The following UBE2H variants were observed in gnomAD, a reference collection of about 807,000 sequenced individuals.
The protein encoded by UBE2H is ubiquitin conjugating enzyme E2 H.
UBE2H carries 3 observed loss-of-function variants against 29.0 expected under a neutral mutation model. That is an observed-to-expected ratio of 0.10 (90% CI 0.05 to 0.27). UBE2H has a LOEUF of 0.27. UBE2H is among the 10% of genes least tolerant of loss of function. The probability of loss-of-function intolerance (pLI) is 1.00; values close to 1 mark genes in which losing one functional copy is unlikely to be tolerated. For missense variants in UBE2H, 68 were observed against 228.2 expected, an observed-to-expected ratio of 0.30 and a Z score of 4.52; for synonymous variants, 69 against 82.9, an observed-to-expected ratio of 0.83 and a Z score of 0.91.
intron 3 of UBE2H, among the ~76,000 whole-genome samples, chr7:129,877,652 A>C (rs1806173280): frequency 6.6e-6 from 1 of 152,220 alleles, no homozygotes. Flanking sequence ...AATTATGAAG[A>C]AGTTAAATTA....
chr7:129,929,637 C>T (rs916860588), intron 1 of UBE2H, among the ~76,000 whole-genome samples: 1 of 152,226 alleles, frequency 6.6e-6, no homozygotes, highest in Non-Finnish European at 1.5e-5. Flanking sequence ...CATCTTCACA[C>T]GCCACCAATA....
intron 6 of UBE2H, among the ~76,000 whole-genome samples, chr7:129,838,692 T>G (rs1431593062): frequency 6.6e-6 from 1 of 152,066 alleles, no homozygotes; most frequent in Non-Finnish European, 1.5e-5. Flanking sequence ...CAGGCTGGAG[T>G]ACAATGGCAC....
At chr7:129,948,851 C>T in intron 1 of UBE2H, 3 of 291,866 alleles carry the variant, frequency 1.0e-5, no homozygotes, top group Non-Finnish European at 2.1e-5. Flanking sequence ...TCAGGTTTTC[C>T]TCTTCTCTTT....
chr7:129,859,933 G>A (rs748412653), intron 3 of UBE2H, among the ~76,000 whole-genome samples: 6 of 151,880 alleles, frequency 4.0e-5, no homozygotes, highest in Admixed American at 2.0e-4. Context: ...CACCTACACC[G>A]CAGGCATTGT....
chr7:129,875,142 A>G (rs552394050), intron 3 of UBE2H, among the ~76,000 whole-genome samples: 16 of 152,270 alleles, frequency 1.1e-4, no homozygotes, highest in Non-Finnish European at 2.1e-4. Context: ...ATTTACTTTT[A>G]TAATAAAAGC....
At chr7:129,929,278 T>C (rs1194634047) in intron 1 of UBE2H, among the ~76,000 whole-genome samples, 1 of 150,398 alleles carries the variant, frequency 6.6e-6, no homozygotes, top group Non-Finnish European at 1.5e-5. Flanking sequence ...GATCGTGCCA[T>C]TGCACTCCAG....
In UBE2H at chr7:129,865,556, C is replaced by T. The variant is rs73469790; in HGVS notation, c.206-6615G>A. Among the ~76,000 whole-genome samples, 1,142 of 152,296 alleles carry T rather than the reference C, an allele frequency of 7.5e-3. 13 individuals are homozygous for T. The highest frequency in any genetic ancestry group is 0.026 in the African/African-American group (1,080 of 41,562). ...TGTGAATCAAGGTAAATCCACCCTA[C>T]GGTAAACGGGTGAAGATCACCAAAG... On this transcript the variant is annotated intron_variant, in intron 3 of 6. Transcript: ENST00000355621.
intron 5 of UBE2H, among the ~76,000 whole-genome samples, chr7:129,841,110 G>C (rs371193102): frequency 5.9e-5 from 9 of 152,336 alleles, no homozygotes; most frequent in East Asian, 5.8e-4. Context: ...CCCTGATCTA[G>C]ATAAAAGCGG....
rs775670950 is a variant in UBE2H at position 129,858,936 on chromosome 7, T to A, written c.211A>T (p.Met71Leu). ...ATGTTGGGATGGAAAATTTTATTCATGAATCCTGTAAAAAGAGATGTTAAT... is the reference window on the plus strand; with the variant it reads ...ATGTTGGGATGGAAAATTTTATTCAAGAATCCTGTAAAAAGAGATGTTAAT... Reference protein sequence around the residue: ...YPFKSPSIGFMNKIFHPNIDE... With the variant: ...YPFKSPSIGFLNKIFHPNIDE... Residue 71 changes from methionine to leucine, a missense_variant, in exon 4 of 7, where the codon ATG becomes TTG. Met to Leu is a conservative substitution (Grantham distance 15, BLOSUM62 2). Transcript: ENST00000355621. 6.2e-7 allele frequency: 1 copy of A among 1,610,390 alleles called. No individual in the cohort carries two copies. Among genetic ancestry groups the A allele is most frequent in the Non-Finnish European group, 8.5e-7 (1 of 1,178,094 alleles).
intron 1 of UBE2H, among the ~76,000 whole-genome samples, chr7:129,912,920 A>C (rs905367436): frequency 1.3e-5 from 2 of 152,192 alleles, no homozygotes; most frequent in Non-Finnish European, 2.9e-5. Flanking sequence ...AACCAAGTAC[A>C]TTTCCAATAA....
intron 6 of UBE2H, among the ~76,000 whole-genome samples, chr7:129,838,369 T>C (rs1805368146): frequency 6.6e-6 from 1 of 152,232 alleles, no homozygotes; most frequent in Non-Finnish European, 1.5e-5. Context: ...GGTAAATTAC[T>C]TCTACTGCCA....
Position 129,831,549 on chromosome 7 carries a change from A to T in UBE2H, c.*3388T>A, listed in dbSNP as rs191909038. The T allele has an allele frequency of 2.0e-5, 3 of 152,370 alleles. No individual in the cohort carries two copies. Among genetic ancestry groups the T allele is most frequent in the African/African-American group, 7.2e-5 (3 of 41,582 alleles). 9.4% of individuals were successfully genotyped at this position (152,370 alleles called of 1,614,324 possible). On this transcript the variant is annotated 3_prime_UTR_variant, in exon 7 of 7. Transcript: ENST00000355621. ...ATTCCTTTGAGAGGAGACATTCCTC[A>T]GGAGCTTAGATCAGCCAGCTGGCAG...
chr7:129,952,228 G>A (rs1807891585), intron 1 of UBE2H, among the ~76,000 whole-genome samples: 1 of 152,160 alleles, frequency 6.6e-6, no homozygotes, highest in Admixed American at 6.5e-5. Context: ...GGCCGTCTCG[G>A]GAGTCCAAAC....
intron 1 of UBE2H, among the ~76,000 whole-genome samples, chr7:129,899,261 G>A (rs1806661132): frequency 6.6e-6 from 1 of 152,016 alleles, no homozygotes; most frequent in Admixed American, 6.6e-5. Context: ...CTATTCAAAG[G>A]GCTGTATACC....
At chr7:129,934,937 A>ATATATATGTGTGTGTGTG (rs1807491670) in intron 1 of UBE2H, among the ~76,000 whole-genome samples, 1 of 149,840 alleles carries the variant, frequency 6.7e-6, no homozygotes, top group South Asian at 2.1e-4. Context: ...ATGTGTATAT[A>ATATATATGTGTGTGTGTG]TATATATATG....
intron 1 of UBE2H, among the ~76,000 whole-genome samples, chr7:129,892,418 A>AT (rs1425480695): frequency 6.6e-6 from 1 of 151,460 alleles, no homozygotes; most frequent in Non-Finnish European, 1.5e-5. Context: ...CGCCCGGCTA[A>AT]TTTTTGTATT....
At chr7:129,883,580 G>A (rs756060757) in intron 1 of UBE2H, among the ~76,000 whole-genome samples, 1 of 152,196 alleles carries the variant, frequency 6.6e-6, no homozygotes, top group African/African-American at 2.4e-5. Flanking sequence ...AGTGGCTCAC[G>A]CCTGTAATCC....
At chr7:129,920,720 G>A (rs186660142) in intron 1 of UBE2H, among the ~76,000 whole-genome samples, 2 of 151,862 alleles carry the variant, frequency 1.3e-5, no homozygotes, top group Non-Finnish European at 2.9e-5. Flanking sequence ...AAAAAGTTCT[G>A]AAGACAATGT....
chr7:129,879,496 C>T, intron 3 of UBE2H, 72 bp downstream of exon 3: 1 of 1,400,730 alleles, frequency 7.1e-7, no homozygotes, highest in East Asian at 2.3e-5. Context: ...TTAATTACCT[C>T]CCCTGAAATG....
Sources: allele counts gnomAD v4.1 joint callset (sites outside exome capture counted in the v4.1 genomes callset), GRCh38; gene constraint gnomAD v4.1.1; transcripts MANE v1.5; gene names NCBI Gene and HGNC (gene_info 2026-07-23, HGNC 2026-07-21).